KLHL1: variants seen among roughly 807,000 people sequenced by gnomAD.
The protein encoded by KLHL1 is kelch like family member 1, also known as kelch-like protein 1.
A neutral mutation model predicts 77.7 loss-of-function variants in KLHL1; 47 were observed. The ratio of observed to expected loss-of-function variants is 0.60; its 90% CI spans 0.48 to 0.77. The LOEUF (loss-of-function observed/expected upper bound fraction) is 0.77, where lower values mean the gene tolerates loss of function less well. KLHL1 is among the 30% of genes least tolerant of loss of function. The probability of loss-of-function intolerance (pLI) is 0.00; values close to 1 mark genes in which losing one functional copy is unlikely to be tolerated. For synonymous variants in KLHL1, 360 were observed against 325.2 expected (o/e 1.11, Z -1.15); for missense variants, 925 against 910.8 (o/e 1.02, Z -0.20).
intron 10 of KLHL1, 42 bp from the exon 11 acceptor site, chr13:69,701,803 A>T: frequency 1.5e-6 from 2 of 1,364,686 alleles, no homozygotes; most frequent in Non-Finnish European, 2.0e-6. Flanking sequence ...AAGTTTTCAT[A>T]GAAAAATATA....
intron 1 of KLHL1, 104 bp downstream of exon 1, chr13:70,107,099 A>G (rs909448543): frequency 2.0e-6 from 3 of 1,497,792 alleles, no homozygotes; most frequent in Non-Finnish European, 2.7e-6. Flanking sequence ...CTTAACCCAC[A>G]TTTTCAACCT....
chr13:69,916,647 GAGTT>G (rs998838208), intron 4 of KLHL1, among the ~76,000 whole-genome samples: 63 of 152,060 alleles, frequency 4.1e-4, no homozygotes, highest in African/African-American at 1.5e-3. Flanking sequence ...GTTAAATGAT[GAGTT>G]AGTCGGTGCA....
At chr13:70,066,501 G>C (rs1887008672) in intron 1 of KLHL1, among the ~76,000 whole-genome samples, 1 of 152,164 alleles carries the variant, frequency 6.6e-6, no homozygotes, top group African/African-American at 2.4e-5. Context: ...AGAGAAATGA[G>C]CAGAATTCCT....
intron 10 of KLHL1, among the ~76,000 whole-genome samples, chr13:69,706,862 G>A (rs2137872532): frequency 6.8e-6 from 1 of 147,816 alleles, no homozygotes; most frequent in Admixed American, 6.7e-5. Context: ...GTTTGCCCTG[G>A]CCTCATCTTC....
At chr13:69,789,725 T>G (rs1030099391) in intron 7 of KLHL1, among the ~76,000 whole-genome samples, 2 of 152,168 alleles carry the variant, frequency 1.3e-5, no homozygotes, top group Non-Finnish European at 2.9e-5. Context: ...TTGATGACAA[T>G]AAGTTGAGCT....
rs141746093 is a variant in KLHL1 at position 69,984,954 on chromosome 13, T to C, written c.498-9152A>G. The stretch of plus-strand genomic sequence containing the variant: ...AGAAACCTGGTCTCTACTAAAAAAA[T>C]AGAAAAATTAGCCAGGCATGGTGGC... On this transcript the variant is annotated intron_variant, in intron 1 of 10. Transcript: ENST00000377844. Among the ~76,000 whole-genome samples, 215 of 151,840 alleles carry C rather than the reference T, an allele frequency of 1.4e-3. 2 individuals carry two copies. The highest frequency in any genetic ancestry group is 5.0e-3 in the African/African-American group (208 of 41,414).
chr13:69,744,379 A>C (rs1489780399), intron 7 of KLHL1, among the ~76,000 whole-genome samples: 1 of 152,046 alleles, frequency 6.6e-6, no homozygotes, highest in African/African-American at 2.4e-5. Flanking sequence ...GGTTTAATCC[A>C]TTCTGGTTAC....
At chr13:70,036,220 G>A (rs1886235705) in intron 1 of KLHL1, among the ~76,000 whole-genome samples, 1 of 151,796 alleles carries the variant, frequency 6.6e-6, no homozygotes, top group Non-Finnish European at 1.5e-5. Flanking sequence ...AAACATTGCT[G>A]CTAGGGTTAC....
At chr13:70,028,563 TCC>T (rs1295602289) in intron 1 of KLHL1, among the ~76,000 whole-genome samples, 3 of 152,094 alleles carry the variant, frequency 2.0e-5, no homozygotes. Flanking sequence ...AATGAATATT[TCC>T]CAATACTATC....
intron 1 of KLHL1, among the ~76,000 whole-genome samples, chr13:70,095,828 C>T (rs1411577082): frequency 6.6e-6 from 1 of 151,242 alleles, no homozygotes; most frequent in Non-Finnish European, 1.5e-5. Context: ...CTTCTCCCTC[C>T]ACCCCCCCCA....
Position 70,081,282 on chromosome 13 carries a change from C to T in KLHL1, c.497+25921G>A, listed in dbSNP as rs181561848. 9.6e-4 allele frequency among the ~76,000 whole-genome samples: 146 copies of T among 152,186 alleles called. 1 individual carries two copies. The highest frequency in any genetic ancestry group is 2.2e-3 in the Admixed American group (34 of 15,274). On this transcript the variant is annotated intron_variant, in intron 1 of 10. Transcript: ENST00000377844. ...TACTACAAATTTAACAACTTAAAAC[C>T]GTACACATATTTATTATATCTCGGG...
intron 6 of KLHL1, among the ~76,000 whole-genome samples, chr13:69,825,678 G>T (rs7335903): frequency 6.6e-6 from 1 of 152,026 alleles, no homozygotes; most frequent in Non-Finnish European, 1.5e-5. Context: ...GTAAGAACAA[G>T]TAAATCCATT....
chr13:69,927,383 A>G (rs1882850359), intron 4 of KLHL1, among the ~76,000 whole-genome samples: 1 of 152,190 alleles, frequency 6.6e-6, no homozygotes, highest in African/African-American at 2.4e-5. Flanking sequence ...AGCACAAGCA[A>G]TAAAAGAAAA....
At chr13:69,946,956 A>T (rs1883545345) in intron 3 of KLHL1, among the ~76,000 whole-genome samples, 1 of 149,784 alleles carries the variant, frequency 6.7e-6, no homozygotes, top group Non-Finnish European at 1.5e-5. Context: ...TTTTGTACCA[A>T]CTTATCATAT....
intron 1 of KLHL1, among the ~76,000 whole-genome samples, chr13:70,061,360 G>A (rs1886880569): frequency 6.7e-6 from 1 of 148,540 alleles, no homozygotes; most frequent in Non-Finnish European, 1.5e-5. Context: ...TTTCTGACTA[G>A]TAACATGAGG....
At chr13:70,013,645 T>A (rs117278584) in intron 1 of KLHL1, among the ~76,000 whole-genome samples, 1,812 of 152,292 alleles carry the variant, frequency 0.012, 28 homozygotes, top group Non-Finnish European at 0.018. Context: ...TCCTTAGAAT[T>A]GCTTAATAAA....
intron 7 of KLHL1, among the ~76,000 whole-genome samples, chr13:69,775,218 T>C (rs1416874475): frequency 2.0e-5 from 3 of 152,072 alleles, no homozygotes; most frequent in Non-Finnish European, 4.4e-5. Flanking sequence ...CATTGGAAAG[T>C]TTGCTACCTT....
intron 5 of KLHL1, among the ~76,000 whole-genome samples, chr13:69,864,403 C>T (rs1880290771): frequency 1.3e-5 from 2 of 151,726 alleles, no homozygotes; most frequent in South Asian, 2.1e-4. Flanking sequence ...ACTATATATA[C>T]ATATAAATAT....
chr13:69,836,740 C>A (rs1016349431), intron 6 of KLHL1, among the ~76,000 whole-genome samples: 1 of 152,012 alleles, frequency 6.6e-6, no homozygotes, highest in East Asian at 1.9e-4. Flanking sequence ...ATGCTACCTA[C>A]TAGATATTTA....
Sources: allele counts gnomAD v4.1 joint callset (sites outside exome capture counted in the v4.1 genomes callset), GRCh38; gene constraint gnomAD v4.1.1; transcripts MANE v1.5; gene names NCBI Gene and HGNC (gene_info 2026-07-23, HGNC 2026-07-21).